The following PCDHA2 variants were observed in gnomAD, a reference collection of about 807,000 sequenced individuals.
PCDHA2 encodes the protein protocadherin alpha 2.
Under a neutral mutation model 66.0 loss-of-function variants are expected in PCDHA2, and 58 were observed. The observed-to-expected ratio is 0.88, with a 90% CI of 0.71 to 1.09. PCDHA2 has a LOEUF of 1.09. PCDHA2 is among the 50% of genes least tolerant of loss of function. The pLI, the probability that PCDHA2 is intolerant of heterozygous loss-of-function variation, is 0.00. For synonymous variants in PCDHA2, 634 were observed against 554.0 expected, an observed-to-expected ratio of 1.14 and a Z score of -2.03; for missense variants, 1,267 against 1,242.3, an observed-to-expected ratio of 1.02 and a Z score of -0.30.
In PCDHA2 at chr5:140,870,897, G is replaced by A. The variant is rs372076650; in HGVS notation, c.2388+73545G>A. 4 of 1,613,942 alleles carry A rather than the reference G, an allele frequency of 2.5e-6. No individual in the cohort carries two copies. In the African/African-American group the frequency reaches 4.0e-5, roughly 16 times the overall value. Reference sequence around the variant, plus strand: ...TGGCGAAGGTGCGCGCAGTGGATGCGGACTCAGGCTACAACGCGTGGCTTT... The same window carrying A: ...TGGCGAAGGTGCGCGCAGTGGATGCAGACTCAGGCTACAACGCGTGGCTTT... On this transcript the variant is annotated intron_variant, in intron 1 of 3. Coordinates refer to ENST00000526136, the MANE Select transcript of PCDHA2 (RefSeq NM_018905.3).
intron 1 of PCDHA2, among the ~76,000 whole-genome samples, chr5:140,896,927 A>G (rs1453519374): frequency 6.6e-6 from 1 of 152,212 alleles, no homozygotes; most frequent in Non-Finnish European, 1.5e-5. Flanking sequence ...TAATCACATC[A>G]TGGAAAATGG....
intron 1 of PCDHA2, among the ~76,000 whole-genome samples, chr5:140,910,741 A>G (rs1349649150): frequency 1.3e-5 from 2 of 152,142 alleles, no homozygotes; most frequent in African/African-American, 2.4e-5. Flanking sequence ...AACCAAGCAC[A>G]TAAATTATCA....
At chr5:140,829,449 C>T (rs2150168143) in intron 1 of PCDHA2, 10 of 1,613,808 alleles carry the variant, frequency 6.2e-6, no homozygotes, top group African/African-American at 5.3e-5. Context: ...GACAATGCTC[C>T]GGCGTTCGCG....
At chr5:140,822,046 C>G in intron 1 of PCDHA2, 1 of 1,614,162 alleles carries the variant, frequency 6.2e-7, no homozygotes, top group Non-Finnish European at 8.5e-7. Flanking sequence ...TCGGATCGAC[C>G]GGGAGGAGCT....
intron 1 of PCDHA2, among the ~76,000 whole-genome samples, chr5:140,902,647 G>A (rs1286700570): frequency 6.6e-6 from 1 of 150,932 alleles, no homozygotes; most frequent in African/African-American, 2.4e-5. Context: ...CTGAGATTTT[G>A]GTGCACCTGT....
intron 1 of PCDHA2, chr5:140,834,263 T>C (rs1772873408): frequency 9.0e-6 from 9 of 995,660 alleles, no homozygotes; most frequent in South Asian, 8.2e-5. Flanking sequence ...CGCTCCACTC[T>C]CTTTCACTCT....
Position 140,978,996 on chromosome 5 carries a change from A to C in PCDHA2, c.2436A>C (p.Ala812=). Residue 812 remains alanine, a synonymous_variant, in exon 2 of 4, where the codon GCA becomes GCC. Transcript: ENST00000526136. ...GGCGTTACTCTGCCTCCCTGAGAGC[A>C]GGCATGCACAGGTATGTATTTCCCT... ...PDWRYSASLR[A]GMHSSVHLEE... is the part of the protein sequence containing the mutation. 6.2e-7 allele frequency: 1 copy of C among 1,614,186 alleles called. No individual in the cohort carries two copies. The highest frequency in any genetic ancestry group is 8.5e-7 in the Non-Finnish European group (1 of 1,180,024).
Position 140,870,665 on chromosome 5 carries a change from C to T in PCDHA2, c.2388+73313C>T, listed in dbSNP as rs782328974. ...AGCGGCAAGGTGTACGCGCTGCAGC[C>T]GTTGGACCACGAGGAGCTGGAGCTG... On this transcript the variant is annotated intron_variant, in intron 1 of 3. Coordinates refer to ENST00000526136, the MANE Select transcript of PCDHA2 (RefSeq NM_018905.3). 1.2e-5 allele frequency: 20 copies of T among 1,612,506 alleles called. No individual in the cohort carries two copies. The South Asian group carries it at 1.4e-4, about 12-fold the overall frequency.
rs1554213921 is a variant in PCDHA2 at position 140,941,202 on chromosome 5, C to CTTTCTTTCTTTCTTTCTTT, written c.2389-37747_2389-37746insTTTCTTTCTTTCTTTCTTT. ...TCCTGCTTCTTTTTTTTTCTTTCTT[C>CTTTCTTTCTTTCTTTCTTT]CTTTCTTTCTTCCTTTCTTTCTTTC... On this transcript the variant is annotated intron_variant, in intron 1 of 3. Coordinates refer to ENST00000526136, the MANE Select transcript of PCDHA2 (RefSeq NM_018905.3). Among the ~76,000 whole-genome samples the CTTTCTTTCTTTCTTTCTTT allele has an allele frequency of 8.2e-4, 101 of 122,784 alleles. 3 individuals carry two copies. Among genetic ancestry groups the CTTTCTTTCTTTCTTTCTTT allele is most frequent in the East Asian group, 3.5e-3 (16 of 4,514 alleles). The allele number at this position is 122,784 out of a possible 152,430, so 80.6% of individuals were successfully genotyped here. A position where few individuals can be genotyped will look rare whatever the true frequency, so the allele number is the denominator to read the frequency against.
At chr5:140,878,562 T>C (rs2057643889) in intron 1 of PCDHA2, among the ~76,000 whole-genome samples, 1 of 152,210 alleles carries the variant, frequency 6.6e-6, no homozygotes, top group Non-Finnish European at 1.5e-5. Context: ...CCCAAACTTA[T>C]CATAGTATAC....
intron 1 of PCDHA2, among the ~76,000 whole-genome samples, chr5:140,948,721 A>G (rs1392170905): frequency 2.0e-5 from 3 of 151,530 alleles, no homozygotes; most frequent in African/African-American, 7.2e-5. Flanking sequence ...CTTTTTTATC[A>G]ATAAGTCTAG....
chr5:140,835,199 C>T lies in PCDHA2; in HGVS notation c.2388+37847C>T, dbSNP rs2150231734. The T allele has an allele frequency of 7.8e-3, 12,048 of 1,553,200 alleles. 392 individuals are homozygous for T. The African/African-American group carries it at 0.15, about 20-fold the overall frequency. ...CCAATGCCTCAGATTTAGACGAAGGCTTGAATGGGGATATTATTTACTCCT... is the reference window on the plus strand; with the variant it reads ...CCAATGCCTCAGATTTAGACGAAGGTTTGAATGGGGATATTATTTACTCCT... On this transcript the variant is annotated intron_variant, in intron 1 of 3. Coordinates refer to ENST00000526136, the MANE Select transcript of PCDHA2 (RefSeq NM_018905.3).
intron 1 of PCDHA2, chr5:140,860,992 T>C (rs173699): frequency 1 from 152,392 of 152,392 alleles, 76,196 homozygotes; most frequent in Non-Finnish European, 1. Context: ...CGGCCTCGGC[T>C]TCCCAAAGTG....
chr5:140,875,218 C>T (rs2055357705), intron 1 of PCDHA2: 1 of 744,910 alleles, frequency 1.3e-6, no homozygotes, highest in South Asian at 3.4e-5. Flanking sequence ...CGAAAAGAAC[C>T]TCAGGATCTT....
intron 1 of PCDHA2, among the ~76,000 whole-genome samples, chr5:140,898,521 AGGG>A (rs1583310812): frequency 6.6e-6 from 1 of 152,252 alleles, no homozygotes; most frequent in East Asian, 1.9e-4. Context: ...GTTATTTCTG[AGGG>A]CTCTGTTCTG....
At chr5:140,926,590 G>A (rs2083383863) in intron 1 of PCDHA2, 1 of 296,754 alleles carries the variant, frequency 3.4e-6, no homozygotes, top group Non-Finnish European at 6.1e-6. Context: ...CTCGCGCCCG[G>A]GCGGGCGGCC....
At position 140,895,904 on chromosome 5, in the gene PCDHA2, C is replaced by A. The variant is rs956599707; in HGVS notation, c.2389-83045C>A. Among the ~76,000 whole-genome samples, 7 of 152,138 alleles carry A rather than the reference C, an allele frequency of 4.6e-5. No homozygotes were observed. In the South Asian group the frequency reaches 1.5e-3, roughly 32 times the overall value. On this transcript the variant is annotated intron_variant, in intron 1 of 3. Transcript: ENST00000526136. ...TCGGCTCACTGCAACCTCCGCGTCC[C>A]GGGCTCAACAATTATCCTGCCTCAG...
intron 1 of PCDHA2, among the ~76,000 whole-genome samples, chr5:140,950,519 A>G (rs1359001168): frequency 6.6e-6 from 1 of 152,034 alleles, no homozygotes; most frequent in Non-Finnish European, 1.5e-5. Flanking sequence ...TGTGTGCGAT[A>G]TGATTGTTTT....
intron 1 of PCDHA2, among the ~76,000 whole-genome samples, chr5:140,874,252 G>A (rs532178726): frequency 6.6e-6 from 1 of 152,286 alleles, no homozygotes; most frequent in Non-Finnish European, 1.5e-5. Flanking sequence ...TTGGTTTAAA[G>A]ATTTTGACTT....
Sources: gnomAD v4.1 joint callset for allele counts (sites outside exome capture counted in the v4.1 genomes callset) on GRCh38, gnomAD v4.1.1 for gene constraint, MANE v1.5 for transcripts, NCBI Gene and HGNC (gene_info 2026-07-23, HGNC 2026-07-21) for gene names.